The following SNED1 variants were observed in gnomAD, a reference collection of about 807,000 sequenced individuals.
The protein encoded by SNED1 is sushi, nidogen and EGF like domains 1.
Under a neutral mutation model 166.7 loss-of-function variants are expected in SNED1, and 81 were observed. The observed-to-expected ratio is 0.49, with a 90% CI of 0.41 to 0.58. The LOEUF (loss-of-function observed/expected upper bound fraction) is 0.58. Among genes scored for constraint, SNED1 ranks in the 20% least tolerant of loss-of-function variants. The pLI is 0.00. For synonymous variants in SNED1, 762 were observed against 822.0 expected, an observed-to-expected ratio of 0.93 and a Z score of 1.25; for missense variants, 1,604 against 2,000.2, an observed-to-expected ratio of 0.80 and a Z score of 3.78.
At chr2:241,027,856 C>T (rs1286590446) in intron 1 of SNED1, among the ~76,000 whole-genome samples, 1 of 151,956 alleles carries the variant, frequency 6.6e-6, no homozygotes, top group Non-Finnish European at 1.5e-5. Context: ...GCCTCAGCCT[C>T]CTGAGTAGCT....
At chr2:241,039,804 C>T (rs998130664) in intron 6 of SNED1, among the ~76,000 whole-genome samples, 2 of 152,160 alleles carry the variant, frequency 1.3e-5, no homozygotes, top group Admixed American at 1.3e-4. Context: ...TTTCCATGCA[C>T]CCCCATTTGC....
intron 8 of SNED1, among the ~76,000 whole-genome samples, chr2:241,047,177 A>G (rs1321440709): frequency 1.4e-5 from 2 of 144,732 alleles, no homozygotes; most frequent in African/African-American, 5.3e-5. Context: ...AAAGTAAATT[A>G]GGTAAACTAA....
In SNED1 at chr2:241,034,691, G is replaced by A. The variant is rs778467536; in HGVS notation, c.766G>A (p.Asp256Asn). 1.0e-5 allele frequency: 16 copies of A among 1,600,356 alleles called. No homozygotes were observed. Among genetic ancestry groups the A allele is most frequent in the African/African-American group, 1.3e-5 (1 of 74,644 alleles). The change falls in exon 4 of 32, where the codon GAT becomes AAT. Residue 256 changes from aspartate to asparagine, a missense_variant. Physicochemically the swap from Asp to Asn is conservative, Grantham distance 23. Around this residue, in one of 2 missense-constraint regions of SNED1, gnomAD observed 1,237 missense variants for 1,620.8 expected, o/e 0.76. Coordinates refer to ENST00000310397, the MANE Select transcript of SNED1 (RefSeq NM_001080437.3). Reference protein sequence around the residue: ...GVPGRWAFRIDDAQVRVGGCG... With the variant: ...GVPGRWAFRINDAQVRVGGCG... ...GCCCGGGCGCTGGGCGTTCAGAATC[G>A]ATGATGCCCAGGTGCGCGTGGGGGG...
At chr2:241,028,228 G>C (rs935508075) in intron 1 of SNED1, among the ~76,000 whole-genome samples, 2 of 152,082 alleles carry the variant, frequency 1.3e-5, no homozygotes, top group African/African-American at 2.4e-5. Flanking sequence ...CTGTTATTTT[G>C]TTTTCAGGCT....
intron 8 of SNED1, chr2:241,040,815 A>G (rs895686463): frequency 1.7e-5 from 8 of 474,582 alleles, no homozygotes; most frequent in African/African-American, 1.2e-4. Context: ...CACAAGGGAA[A>G]GTAACGGGAA....
chr2:241,051,593 C>A lies in SNED1; in HGVS notation c.1736-151C>A. The A allele has an allele frequency of 1.7e-6, 1 of 579,288 alleles. No individual in the cohort carries two copies. The highest frequency in any genetic ancestry group is 3.0e-5 in the East Asian group (1 of 33,870). 35.9% of individuals were successfully genotyped at this position (579,288 alleles called of 1,614,324 possible). A position where few individuals can be genotyped will look rare whatever the true frequency, so the allele number is the denominator to read the frequency against. ...CCCCAGCCCCCACCATGTGTGCGGA[C>A]CTGCTTGGCCCCTGCTGCAGCCAGG... On this transcript the variant is annotated intron_variant, in intron 12 of 31. Coordinates refer to ENST00000310397, the MANE Select transcript of SNED1 (RefSeq NM_001080437.3). The surrounding 1 kb of genome is among the most constrained non-coding windows in gnomAD (Gnocchi z 4.7).
intron 1 of SNED1, among the ~76,000 whole-genome samples, chr2:241,024,234 C>CATTTTTTTTTTTTTT: frequency 1.0e-5 from 1 of 99,174 alleles, no homozygotes; most frequent in African/African-American, 4.3e-5. Flanking sequence ...CACTCTACTA[C>CATTTTTTTTTTTTTT]CTTTTTTTTT....
chr2:241,085,503 G>C (rs2063529907), intron 29 of SNED1, among the ~76,000 whole-genome samples: 1 of 152,028 alleles, frequency 6.6e-6, no homozygotes, highest in African/African-American at 2.4e-5. Context: ...TGAACATGTG[G>C]AACAAATTTA....
In SNED1 at chr2:241,081,921, T is replaced by C. The variant is rs2063346865; in HGVS notation, c.4033+128T>C. The C allele has an allele frequency of 4.2e-6, 3 of 714,450 alleles. No individual in the cohort carries two copies. In the South Asian group the frequency reaches 5.0e-5, roughly 12 times the overall value. The allele number at this position is 714,450 out of a possible 1,614,324, so 44.3% of individuals were successfully genotyped here. ...ATGAGGTGCCAGACAGGGAGTCTGG[T>C]GCACGGGGCTGACCCCTGAGCCCCC... On this transcript the variant is annotated intron_variant, in intron 28 of 31. Transcript: ENST00000310397.
intron 16 of SNED1, among the ~76,000 whole-genome samples, chr2:241,059,382 G>C (rs2062161618): frequency 6.6e-6 from 1 of 152,122 alleles, no homozygotes; most frequent in African/African-American, 2.4e-5. Context: ...AATCTAGGAG[G>C]GAAGAACACT....
rs147959619 is a variant in SNED1, at chr2:241,048,842, G to A, written c.1504+76G>A. On this transcript the variant is annotated intron_variant, in intron 10 of 31. Transcript: ENST00000310397. ...CGGGAAATGAATGGTGGCTTCGGCC[G>A]GGGTCCGTAGGTCCAGACTGTCGAC... 9.3e-4 allele frequency: 1,213 copies of A among 1,307,818 alleles called. 8 individuals are homozygous for A. The African/African-American group carries it at 0.015, about 17-fold the overall frequency. 81.0% of individuals were successfully genotyped at this position (1,307,818 alleles called of 1,614,324 possible).
chr2:241,040,248 AG>A, intron 7 of SNED1, 51 bp from the exon 8 acceptor site: 1 of 1,568,700 alleles, frequency 6.4e-7, no homozygotes. Context: ...TGCTGGGCAC[AG>A]GGTGGTTGTG....
chr2:241,021,400 T>C (rs2060769938), intron 1 of SNED1, among the ~76,000 whole-genome samples: 1 of 152,198 alleles, frequency 6.6e-6, no homozygotes, highest in Admixed American at 6.5e-5. Flanking sequence ...GGAACATTTT[T>C]CCTTACCCTG....
At position 241,065,314 on chromosome 2, in the gene SNED1, C is replaced by T. The variant is rs899949180; in HGVS notation, c.2729C>T (p.Thr910Met). The change falls in exon 21 of 32, where the codon ACG becomes ATG. Residue 910 changes from threonine to methionine, a missense_variant. Around this residue, in one of 2 missense-constraint regions of SNED1, gnomAD observed 1,237 missense variants for 1,620.8 expected, o/e 0.76. Coordinates refer to ENST00000310397, the MANE Select transcript of SNED1 (RefSeq NM_001080437.3). Reference protein sequence around the residue: ...EDCAKELFPPTALKMERVEES... With the variant: ...EDCAKELFPPMALKMERVEES... The stretch of plus-strand genomic sequence containing the variant: ...AACCCTGAAGAGCTCTTCCCACCGA[C>T]GGCCCTCAAGATGGAGAGAGTGGAG... 38 of 1,612,728 alleles carry T rather than the reference C, an allele frequency of 2.4e-5. No homozygotes were observed. The highest frequency in any genetic ancestry group is 5.0e-5 in the Admixed American group (3 of 59,976).
At chr2:241,054,602 T>C (rs1312596455) in intron 16 of SNED1, among the ~76,000 whole-genome samples, 3 of 152,084 alleles carry the variant, frequency 2.0e-5, no homozygotes, top group Non-Finnish European at 2.9e-5. Context: ...CGGTATAAAA[T>C]AACCGTGACA....
In SNED1 at chr2:240,999,821, G is replaced by A. The variant is rs1311163049; in HGVS notation, c.213+771G>A. Among the ~76,000 whole-genome samples, 1 of 152,138 alleles carries A rather than the reference G, an allele frequency of 6.6e-6. No individual in the cohort carries two copies. The highest frequency in any genetic ancestry group is 1.5e-5 in the Non-Finnish European group (1 of 67,994). On this transcript the variant is annotated intron_variant, in intron 1 of 31. Coordinates refer to ENST00000310397, the MANE Select transcript of SNED1 (RefSeq NM_001080437.3). This position sits in a 1 kb window ranked among gnomAD's most constrained non-coding sequence, Gnocchi z 5.8. ...GCAGCCCAGGGAATGAAATGCACCTGGTAACTGCATGGAGCACTCGCCCTG... is the reference window on the plus strand; with the variant it reads ...GCAGCCCAGGGAATGAAATGCACCTAGTAACTGCATGGAGCACTCGCCCTG...
chr2:241,045,021 G>A (rs1410485563), intron 8 of SNED1, among the ~76,000 whole-genome samples: 1 of 152,182 alleles, frequency 6.6e-6, no homozygotes, highest in African/African-American at 2.4e-5. Flanking sequence ...AGGAATCTGT[G>A]TAATCTGATC....
intron 27 of SNED1, among the ~76,000 whole-genome samples, chr2:241,077,907 A>G (rs1007364730): frequency 3.9e-5 from 6 of 152,160 alleles, no homozygotes; most frequent in Non-Finnish European, 5.9e-5. Context: ...GCTCTGGAAA[A>G]CAGTCTGGCA....
At chr2:241,031,784 G>A (rs1175808316) in intron 2 of SNED1, among the ~76,000 whole-genome samples, 2 of 152,216 alleles carry the variant, frequency 1.3e-5, no homozygotes, top group Admixed American at 1.3e-4. Context: ...TCGCCTTCCT[G>A]AAGCAGAGCA....
Sources: gnomAD v4.1 joint callset for allele counts (sites outside exome capture counted in the v4.1 genomes callset) on GRCh38, gnomAD v4.1.1 for gene constraint, gnomAD v4.1.1 regional missense constraint, Gnocchi (gnomAD v3.1) non-coding constraint, MANE v1.5 for transcripts, NCBI Gene and HGNC (gene_info 2026-07-23, HGNC 2026-07-21) for gene names.